ZFP64: variants seen among roughly 807,000 people sequenced by gnomAD.
ZFP64 encodes the protein ZFP64 zinc finger protein, also known as zinc finger protein 64.
ZFP64 carries 14 observed loss-of-function variants against 51.6 expected under a neutral mutation model. That is an observed-to-expected ratio of 0.27 (90% CI 0.18 to 0.42). The LOEUF (loss-of-function observed/expected upper bound fraction) is 0.42, where lower values mean the gene tolerates loss of function less well. ZFP64 is among the 10% of genes least tolerant of loss of function. The pLI, the probability that ZFP64 is intolerant of heterozygous loss-of-function variation, is 1.00. For missense variants in ZFP64, 754 were observed against 906.8 expected (o/e 0.83, Z 2.16); for synonymous variants, 375 against 361.4 (o/e 1.04, Z -0.43).
intron 2 of ZFP64, among the ~76,000 whole-genome samples, chr20:52,171,398 C>T (rs529205412): frequency 2.2e-4 from 33 of 150,696 alleles, no homozygotes; most frequent in African/African-American, 7.2e-4. Context: ...TATGCGTATG[C>T]GTATGTGTAT....
At chr20:52,155,695 C>T (rs1258439734) in intron 5 of ZFP64, among the ~76,000 whole-genome samples, 2 of 151,780 alleles carry the variant, frequency 1.3e-5, no homozygotes, top group East Asian at 3.9e-4. Flanking sequence ...GTATCCTGGT[C>T]AAATAGTCCC....
chr20:52,186,072 C>T (rs1223274270), intron 2 of ZFP64, among the ~76,000 whole-genome samples: 1 of 152,084 alleles, frequency 6.6e-6, no homozygotes, highest in East Asian at 1.9e-4. Flanking sequence ...GGGGGTGGTC[C>T]ACAACCTGCC....
Position 52,191,507 on chromosome 20 carries a change from G to C in ZFP64, c.46+84C>G. On this transcript the variant is annotated intron_variant, in intron 1 of 5. Coordinates refer to ENST00000216923, the MANE Select transcript of ZFP64 (RefSeq NM_018197.3). This position sits in a 1 kb window ranked among gnomAD's most constrained non-coding sequence, Gnocchi z 4.3. ...CGATTTCGGGGCCCCGGGCCTGCTG[G>C]CTGCGTCGCAGACGTGCTTGGGCCC... 2 of 1,410,030 alleles carry C rather than the reference G, an allele frequency of 1.4e-6. No individual in the cohort carries two copies. Among genetic ancestry groups the C allele is most frequent in the Non-Finnish European group, 1.9e-6 (2 of 1,079,638 alleles). The allele number at this position is 1,410,030 out of a possible 1,614,324, so 87.3% of individuals were successfully genotyped here.
intron 5 of ZFP64, among the ~76,000 whole-genome samples, chr20:52,131,136 G>T (rs886400062): frequency 6.9e-5 from 10 of 144,926 alleles, no homozygotes; most frequent in African/African-American, 2.6e-4. Context: ...AAGACAGGAA[G>T]AAAGGAAAAC....
intron 5 of ZFP64, among the ~76,000 whole-genome samples, chr20:52,159,420 G>A (rs934051923): frequency 6.6e-6 from 1 of 152,142 alleles, no homozygotes; most frequent in Non-Finnish European, 1.5e-5. Flanking sequence ...TTCATTTCAT[G>A]CATCTCCTCA....
chr20:52,104,147 A>C (rs962804511), intron 5 of ZFP64, among the ~76,000 whole-genome samples: 1 of 152,228 alleles, frequency 6.6e-6, no homozygotes, highest in Non-Finnish European at 1.5e-5. Context: ...GAAAGTAGGA[A>C]CCTACAATCT....
chr20:52,171,361 G>A (rs1982700353), intron 2 of ZFP64, among the ~76,000 whole-genome samples: 1 of 138,432 alleles, frequency 7.2e-6, no homozygotes, highest in Non-Finnish European at 1.5e-5. Flanking sequence ...GTGTGCATAT[G>A]TGTATGTGTA....
At chr20:52,169,443 A>T (rs1450870153) in intron 2 of ZFP64, among the ~76,000 whole-genome samples, 3 of 152,154 alleles carry the variant, frequency 2.0e-5, no homozygotes, top group Non-Finnish European at 4.4e-5. Flanking sequence ...CCTGTGCTGG[A>T]AGGTGTTCAC....
chr20:52,171,678 C>G (rs1262296112), intron 2 of ZFP64, among the ~76,000 whole-genome samples: 1 of 151,218 alleles, frequency 6.6e-6, no homozygotes, highest in Admixed American at 6.6e-5. Flanking sequence ...TTAGTAGAGA[C>G]AGAGTTTCAC....
intron 5 of ZFP64, among the ~76,000 whole-genome samples, chr20:52,142,077 G>A (rs1023887203): frequency 1.3e-5 from 2 of 152,068 alleles, no homozygotes; most frequent in African/African-American, 4.8e-5. Flanking sequence ...ATAAGAAATT[G>A]CTTAATGGGC....
rs181534785 is a variant in ZFP64, at chr20:52,144,407, G to A, written c.763+15716C>T. Among the ~76,000 whole-genome samples, 54 of 147,368 alleles carry A rather than the reference G, an allele frequency of 3.7e-4. 6 individuals carry two copies. In the East Asian group the frequency reaches 7.2e-3, roughly 20 times the overall value. ...ATCCTGGTCAACATGGTGAAACCCCGTCTCTACAAAATATACAAAAAAATT... is the reference window on the plus strand; with the variant it reads ...ATCCTGGTCAACATGGTGAAACCCCATCTCTACAAAATATACAAAAAAATT... On this transcript the variant is annotated intron_variant, in intron 5 of 8. Coordinates refer to the ZFP64 transcript ENST00000361387.
At chr20:52,154,345 C>T (rs930731821) in intron 5 of ZFP64, among the ~76,000 whole-genome samples, 6 of 152,154 alleles carry the variant, frequency 3.9e-5, no homozygotes, top group Admixed American at 1.3e-4. Context: ...TTTTTTAACA[C>T]AGTTACACAG....
chr20:52,150,881 A>C (rs1318391532), downstream of ZFP64, among the ~76,000 whole-genome samples: 2 of 152,174 alleles, frequency 1.3e-5, no homozygotes, highest in Non-Finnish European at 2.9e-5. Flanking sequence ...AAACAACACA[A>C]TCTGAATTTT....
At chr20:52,180,100 T>C (rs1194189653) in intron 2 of ZFP64, among the ~76,000 whole-genome samples, 1 of 152,222 alleles carries the variant, frequency 6.6e-6, no homozygotes, top group Non-Finnish European at 1.5e-5. Flanking sequence ...TGGTGTTTTA[T>C]GAAACTGTGA....
At chr20:52,148,574 G>A (rs1024843084), downstream of ZFP64, among the ~76,000 whole-genome samples, 6 of 152,158 alleles carry the variant, frequency 3.9e-5, no homozygotes, top group South Asian at 2.1e-4. Context: ...GGTGGCACAC[G>A]CCTGTGATCC....
chr20:52,182,415 T>C (rs1983676618), intron 2 of ZFP64, among the ~76,000 whole-genome samples: 2 of 152,162 alleles, frequency 1.3e-5, no homozygotes, highest in African/African-American at 2.4e-5. Context: ...AGGGTGAACT[T>C]CTTTGAACAA....
chr20:52,104,940 G>C (rs976813280), intron 5 of ZFP64: 6 of 700,596 alleles, frequency 8.6e-6, no homozygotes, highest in African/African-American at 3.6e-5. Context: ...GGAAGGGGAC[G>C]GTGGACTCCA....
intron 8 of ZFP64, chr20:52,088,343 G>A: frequency 6.3e-7 from 1 of 1,598,034 alleles, no homozygotes; most frequent in Non-Finnish European, 8.5e-7. Context: ...TGAAGGTTAA[G>A]AAATTAGAGA....
chr20:52,105,172 C>T (rs1470291613), intron 5 of ZFP64: 2 of 1,442,898 alleles, frequency 1.4e-6, no homozygotes, highest in Admixed American at 5.5e-5. Flanking sequence ...CCGCACACTC[C>T]CGGCGCGCAG....
Sources: allele counts gnomAD v4.1 joint callset (sites outside exome capture counted in the v4.1 genomes callset), GRCh38; gene constraint gnomAD v4.1.1; non-coding constraint Gnocchi (gnomAD v3.1); transcripts MANE v1.5; gene names NCBI Gene and HGNC (gene_info 2026-07-23, HGNC 2026-07-21).